PLSCR2: variants seen among roughly 807,000 people sequenced by gnomAD.
PLSCR2 encodes the protein PL scramblase 2.
PLSCR2 carries 18 observed loss-of-function variants against 25.3 expected under a neutral mutation model. The ratio of observed to expected loss-of-function variants is 0.71; its 90% confidence interval spans 0.49 to 1.06. The LOEUF is 1.06. PLSCR2 is among the 50% of genes least tolerant of loss of function. The pLI, the probability that PLSCR2 is intolerant of heterozygous loss-of-function variation, is 0.00. For synonymous variants in PLSCR2, 88 were observed against 87.3 expected (o/e 1.01, Z -0.04); for missense variants, 243 against 269.5 (o/e 0.90, Z 0.69).
chr3:146,419,181 T>C (rs1157683326), intron 2 of PLSCR2, among the ~76,000 whole-genome samples: 2 of 152,142 alleles, frequency 1.3e-5, no homozygotes, highest in Non-Finnish European at 2.9e-5. Context: ...ACAATTTCAA[T>C]ACTTTGCTTG....
intron 3 of PLSCR2, among the ~76,000 whole-genome samples, chr3:146,456,499 GGTC>G (rs1329344976): frequency 1.3e-5 from 2 of 152,042 alleles, no homozygotes; most frequent in Non-Finnish European, 2.9e-5. Flanking sequence ...ATTCCTCTGT[GGTC>G]ATCTATTATC....
chr3:146,485,295 T>C (rs1217688225), intron 1 of PLSCR2, among the ~76,000 whole-genome samples: 2 of 152,118 alleles, frequency 1.3e-5, no homozygotes, highest in Non-Finnish European at 2.9e-5. Context: ...CACAGATTCA[T>C]AAAACATGTT....
At chr3:146,469,043 G>C in intron 1 of PLSCR2, 7 of 779,700 alleles carry the variant, frequency 9.0e-6, no homozygotes, top group Non-Finnish European at 1.1e-5. Flanking sequence ...TCTTTCCTAA[G>C]CTGGTATTGT....
chr3:146,485,273 A>C (rs918237716), intron 1 of PLSCR2, among the ~76,000 whole-genome samples: 4 of 152,206 alleles, frequency 2.6e-5, no homozygotes, highest in Non-Finnish European at 4.4e-5. Flanking sequence ...ATATGCGCCC[A>C]ATACAGGAGA....
At chr3:146,418,170 G>T (rs987449467) in intron 2 of PLSCR2, among the ~76,000 whole-genome samples, 1 of 151,876 alleles carries the variant, frequency 6.6e-6, no homozygotes, top group Non-Finnish European at 1.5e-5. Context: ...CTGGCTTTCT[G>T]GATTATGATA....
chr3:146,426,659 A>C, intron 2 of PLSCR2, among the ~76,000 whole-genome samples: 1 of 152,218 alleles, frequency 6.6e-6, no homozygotes, highest in East Asian at 1.9e-4. Flanking sequence ...AAACATATTC[A>C]TTAATATTAC....
chr3:146,408,774 G>A (rs1387629524), intron 2 of PLSCR2, among the ~76,000 whole-genome samples: 1 of 152,062 alleles, frequency 6.6e-6, no homozygotes, highest in Non-Finnish European at 1.5e-5. Context: ...GGACAACTTC[G>A]GTCATCTTAG....
chr3:146,400,957 A>T (rs1052372835), intron 2 of PLSCR2, among the ~76,000 whole-genome samples: 1 of 151,994 alleles, frequency 6.6e-6, no homozygotes, highest in African/African-American at 2.4e-5. Flanking sequence ...TAAATATTAA[A>T]GTGGGAAAAA....
Position 146,458,446 on chromosome 3 carries a change from ATATC to A in PLSCR2, c.61_64del (p.Asp21Ter). 229 of 1,483,518 alleles carry A rather than the reference ATATC, an allele frequency of 1.5e-4. No individual in the cohort carries two copies. Among genetic ancestry groups the A allele is most frequent in the African/African-American group, 2.8e-4 (20 of 71,068 alleles). 91.9% of individuals were successfully genotyped at this position (1,483,518 alleles called of 1,614,324 possible). Reference sequence around the variant, plus strand: ...TTCAATTTGCTGATGAATTAGTATCATATCTATCTATTATAGTAAAAAGAAAATG... The same window carrying A: ...TTCAATTTGCTGATGAATTAGTATCATATCTATTATAGTAAAAAGAAAATG... On this transcript the variant is annotated frameshift_variant, in exon 3 of 7. Coordinates refer to ENST00000610787, the Ensembl canonical transcript of PLSCR2. LOFTEE classifies it high-confidence loss of function.
rs543372810 is a variant in PLSCR2, at chr3:146,492,140, C to T, written c.-293+3755G>A. Among the ~76,000 whole-genome samples the T allele has an allele frequency of 9.9e-5, 15 of 152,240 alleles. No individual in the cohort carries two copies. The East Asian group carries it at 2.9e-3, about 29-fold the overall frequency. ...CAATTCTCAGCTGTATGTTCCGACC[C>T]TACTGACCTGGAAACAGGCCTTCAG... is the stretch of plus-strand genomic sequence containing the variant. On this transcript the variant is annotated intron_variant, in intron 1 of 8. Transcript: ENST00000336685.
chr3:146,424,050 G>A (rs2039250659), intron 2 of PLSCR2, among the ~76,000 whole-genome samples: 1 of 151,806 alleles, frequency 6.6e-6, no homozygotes, highest in Admixed American at 6.6e-5. Context: ...GGGTTGATGG[G>A]TGCAGCAAAC....
intron 3 of PLSCR2, among the ~76,000 whole-genome samples, chr3:146,394,951 C>A (rs200509115): frequency 6.6e-6 from 1 of 152,154 alleles, no homozygotes; most frequent in African/African-American, 2.4e-5. Context: ...TGTTTCCTGC[C>A]GCCTTGTGGA....
chr3:146,409,960 C>G (rs936119863), intron 2 of PLSCR2, among the ~76,000 whole-genome samples: 1 of 152,130 alleles, frequency 6.6e-6, no homozygotes, highest in African/African-American at 2.4e-5. Flanking sequence ...GGGAGGAGGA[C>G]TAGAGGCCAG....
At chr3:146,495,755 G>C (rs1383027449) in intron 1 of PLSCR2, 4 of 624,394 alleles carry the variant, frequency 6.4e-6, no homozygotes, top group African/African-American at 5.5e-5. Flanking sequence ...CACTGTTTAA[G>C]ATACCTAGTA....
intron 1 of PLSCR2, 122 bp downstream of exon 1, chr3:146,469,373 C>G: frequency 7.3e-6 from 7 of 956,542 alleles, no homozygotes; most frequent in Non-Finnish European, 8.7e-6. Context: ...TCGCTTCCCG[C>G]GGCCCATTGG....
downstream of PLSCR2, among the ~76,000 whole-genome samples, chr3:146,439,659 T>C (rs1170679406): frequency 1.3e-5 from 2 of 152,180 alleles, no homozygotes; most frequent in Admixed American, 1.3e-4. Context: ...TTATTCTAGT[T>C]AGCCATTCAT....
chr3:146,449,908 C>G (rs2040800972), intron 5 of PLSCR2, among the ~76,000 whole-genome samples: 1 of 152,002 alleles, frequency 6.6e-6, no homozygotes, highest in African/African-American at 2.4e-5. Context: ...AGAAAAGCAA[C>G]CAGTAAGTAA....
At chr3:146,431,878 A>G (rs554053088), downstream of PLSCR2, among the ~76,000 whole-genome samples, 22 of 151,296 alleles carry the variant, frequency 1.5e-4, no homozygotes, top group South Asian at 4.2e-3. Flanking sequence ...AAAAAAAAAA[A>G]GACTTTATTA....
intron 2 of PLSCR2, among the ~76,000 whole-genome samples, chr3:146,402,263 T>C (rs2038498594): frequency 6.6e-6 from 1 of 152,092 alleles, no homozygotes. Context: ...AAAAATAACA[T>C]TAAGTGACTA....
Sources: allele counts gnomAD v4.1 joint callset (sites outside exome capture counted in the v4.1 genomes callset), GRCh38; gene constraint gnomAD v4.1.1; transcripts MANE v1.5; gene names NCBI Gene and HGNC (gene_info 2026-07-23, HGNC 2026-07-21).